Variants in SLC36A4 observed in about 807,000 individuals in gnomAD.
The protein encoded by SLC36A4 is solute carrier family 36 member 4.
A neutral mutation model predicts 50.5 loss-of-function variants in SLC36A4; 49 were observed. The ratio of observed to expected loss-of-function variants is 0.97; its 90% CI spans 0.77 to 1.23. The LOEUF (loss-of-function observed/expected upper bound fraction) is 1.23, where lower values mean the gene tolerates loss of function less well. SLC36A4 is among the 50% of genes most tolerant of loss of function. The probability of loss-of-function intolerance (pLI) is 0.00; values close to 1 mark genes in which losing one functional copy is unlikely to be tolerated. For synonymous variants in SLC36A4, 207 were observed against 206.5 expected (o/e 1.00, Z -0.02); for missense variants, 611 against 608.4 (o/e 1.00, Z -0.05).
intron 10 of SLC36A4, among the ~76,000 whole-genome samples, chr11:93,149,789 T>C (rs1394590485): frequency 1.3e-5 from 2 of 152,004 alleles, no homozygotes; most frequent in Non-Finnish European, 2.9e-5. Context: ...GTGGGAAAAC[T>C]GGCAAGATTA....
intron 6 of SLC36A4, among the ~76,000 whole-genome samples, chr11:93,169,557 T>C (rs1861037897): frequency 6.6e-6 from 1 of 152,130 alleles, no homozygotes; most frequent in African/African-American, 2.4e-5. Context: ...TAATCTACCA[T>C]ACACAATGTT....
intron 6 of SLC36A4, among the ~76,000 whole-genome samples, chr11:93,170,911 A>G (rs763791382): frequency 1.3e-5 from 2 of 152,052 alleles, no homozygotes; most frequent in Non-Finnish European, 2.9e-5. Context: ...GGTTAATAAG[A>G]TACATTTCAA....
At chr11:93,191,003 C>T (rs1028480474) in intron 1 of SLC36A4, among the ~76,000 whole-genome samples, 6 of 152,154 alleles carry the variant, frequency 3.9e-5, no homozygotes, top group African/African-American at 9.7e-5. Flanking sequence ...TGATATAAAA[C>T]AGCTCTTAAA....
Position 93,154,220 on chromosome 11 carries a change from A to G in SLC36A4, c.1095T>C (p.Ile365=), listed in dbSNP as rs374712275. 1 of 1,536,854 alleles carries G rather than the reference A, an allele frequency of 6.5e-7. No homozygotes were observed. Among genetic ancestry groups the G allele is most frequent in the East Asian group, 2.4e-5 (1 of 42,190 alleles). The part of the protein sequence containing the change: ...YSFGIFVTYS[I]QFYVPAEIII... Reference sequence around the variant, plus strand: ...TGATCTCTGCTGGAACATAGAACTGAATTGAATATGTCACAAAAATGCCAA... The same window carrying G: ...TGATCTCTGCTGGAACATAGAACTGGATTGAATATGTCACAAAAATGCCAA... The change falls in exon 10 of 11, where the codon ATT becomes ATC. Residue 365 remains isoleucine, a synonymous_variant. Coordinates refer to ENST00000326402, the MANE Select transcript of SLC36A4 (RefSeq NM_152313.4).
chr11:93,193,898 A>G (rs1862315804), intron 1 of SLC36A4, among the ~76,000 whole-genome samples: 1 of 152,158 alleles, frequency 6.6e-6, no homozygotes, highest in Admixed American at 6.5e-5. Flanking sequence ...TGTTCATTAA[A>G]ACATTACTGA....
chr11:93,174,256 G>A lies in SLC36A4; in HGVS notation c.541-6085C>T, dbSNP rs1308514181. On this transcript the variant is annotated intron_variant, in intron 6 of 10. Coordinates refer to ENST00000326402, the MANE Select transcript of SLC36A4 (RefSeq NM_152313.4). ...TGATTTCGCTCTCTGTTTGTCTGTT[G>A]TTGGTGTATAAGAATGCTTGTGATT... Among the ~76,000 whole-genome samples, 40 of 140,466 alleles carry A rather than the reference G, an allele frequency of 2.8e-4. No homozygotes were observed. The East Asian group carries it at 5.5e-3, about 19-fold the overall frequency. 92.2% of individuals were successfully genotyped at this position (140,466 alleles called of 152,430 possible).
chr11:93,155,521 A>G (rs1198703593), intron 9 of SLC36A4: 2 of 152,152 alleles, frequency 1.3e-5, no homozygotes, highest in Non-Finnish European at 2.9e-5. Context: ...ATAAGTATAT[A>G]AATGTCGACA....
intron 8 of SLC36A4, 92 bp from the exon 9 acceptor site, chr11:93,162,967 C>A (rs1406923662): frequency 3.5e-6 from 4 of 1,152,990 alleles, no homozygotes; most frequent in Non-Finnish European, 4.9e-6. Flanking sequence ...TGTTTATAGC[C>A]TATATGCAAA....
chr11:93,157,371 T>C (rs1394535715), intron 9 of SLC36A4, among the ~76,000 whole-genome samples: 1 of 152,198 alleles, frequency 6.6e-6, no homozygotes, highest in Non-Finnish European at 1.5e-5. Flanking sequence ...TTTTTTCTAG[T>C]TCTGTGAAGA....
chr11:93,187,696 G>A (rs1862049551), intron 1 of SLC36A4, among the ~76,000 whole-genome samples: 1 of 152,198 alleles, frequency 6.6e-6, no homozygotes, highest in African/African-American at 2.4e-5. Flanking sequence ...CTATAGTGAA[G>A]TTCAGTTTAT....
chr11:93,153,830 C>G (rs938750754), intron 10 of SLC36A4: 3 of 176,752 alleles, frequency 1.7e-5, no homozygotes, highest in African/African-American at 7.1e-5. Context: ...GAAGGGGTCC[C>G]ATGTACACAT....
chr11:93,193,406 G>A (rs1862294777), intron 1 of SLC36A4, among the ~76,000 whole-genome samples: 1 of 152,000 alleles, frequency 6.6e-6, no homozygotes, highest in Admixed American at 6.6e-5. Flanking sequence ...GTAATTTTTG[G>A]CTAAGTACTA....
intron 9 of SLC36A4, chr11:93,160,100 C>G (rs184903359): frequency 2.7e-5 from 27 of 985,362 alleles, no homozygotes; most frequent in Non-Finnish European, 3.3e-5. Flanking sequence ...CATGATTATT[C>G]TAGTCCAAAC....
At chr11:93,179,103 A>T (rs1288034827) in intron 6 of SLC36A4, among the ~76,000 whole-genome samples, 2 of 152,256 alleles carry the variant, frequency 1.3e-5, no homozygotes, top group East Asian at 1.9e-4. Context: ...AGAGACCATC[A>T]ATACGGAAAT....
intron 7 of SLC36A4, chr11:93,167,521 G>C (rs78075814): frequency 0.041 from 6,395 of 154,352 alleles, 183 homozygotes; most frequent in South Asian, 0.098. Flanking sequence ...GACTAGTGTA[G>C]TGGCAGTGGA....
chr11:93,192,043 C>CA lies in SLC36A4; in HGVS notation c.55+5734dup, dbSNP rs201428449. Among the ~76,000 whole-genome samples, 1,026 of 150,482 alleles carry CA rather than the reference C, an allele frequency of 6.8e-3. 7 individuals carry two copies. Among genetic ancestry groups the CA allele is most frequent in the East Asian group, 0.026 (134 of 5,144 alleles). ...GATGCTGAGAATAATTACTAAAACT[C>CA]AAAAAAAAATCCTGCCTTCATGGAG... On this transcript the variant is annotated intron_variant, in intron 1 of 10. Transcript: ENST00000326402.
Position 93,154,452 on chromosome 11 carries a change from A to G in SLC36A4, c.1038-175T>C, listed in dbSNP as rs186669390. The G allele has an allele frequency of 6.8e-4, 233 of 344,860 alleles. No homozygotes were observed. The East Asian group carries it at 9.5e-3, about 14-fold the overall frequency. The allele number at this position is 344,860 out of a possible 1,614,324, so 21.4% of individuals were successfully genotyped here. On this transcript the variant is annotated intron_variant, in intron 9 of 10. Coordinates refer to ENST00000326402, the MANE Select transcript of SLC36A4 (RefSeq NM_152313.4). ...AATTGATCTCTAACTAAATTTCTAGATGATACAAGAACAATTCATTTTCAC... is the reference window on the plus strand; with the variant it reads ...AATTGATCTCTAACTAAATTTCTAGGTGATACAAGAACAATTCATTTTCAC...
intron 1 of SLC36A4, among the ~76,000 whole-genome samples, chr11:93,194,313 A>G (rs1281723674): frequency 2.6e-5 from 4 of 152,108 alleles, no homozygotes; most frequent in Non-Finnish European, 4.4e-5. Context: ...TGGCAATAGA[A>G]AAACTAAAAG....
chr11:93,169,654 A>G (rs529397767), intron 6 of SLC36A4, among the ~76,000 whole-genome samples: 1 of 152,130 alleles, frequency 6.6e-6, no homozygotes, highest in East Asian at 1.9e-4. Flanking sequence ...TTTATAACTC[A>G]TACTGGACTA....
Sources: allele counts gnomAD v4.1 joint callset (sites outside exome capture counted in the v4.1 genomes callset), GRCh38; gene constraint gnomAD v4.1.1; transcripts MANE v1.5; gene names NCBI Gene and HGNC (gene_info 2026-07-23, HGNC 2026-07-21).